The following PLEKHA7 variants were observed in gnomAD, a reference collection of about 807,000 sequenced individuals.
PLEKHA7 encodes the protein pleckstrin homology domain containing A7, also known as pleckstrin homology domain-containing family A member 7.
PLEKHA7 carries 104 observed loss-of-function variants against 170.0 expected under a neutral mutation model. The observed-to-expected ratio is 0.61, with a 90% CI of 0.52 to 0.72. PLEKHA7 has a LOEUF of 0.72. Among genes scored for constraint, PLEKHA7 ranks in the 30% least tolerant of loss-of-function variants. The probability of loss-of-function intolerance (pLI) is 0.00; values close to 1 mark genes in which losing one functional copy is unlikely to be tolerated. For synonymous variants in PLEKHA7, 648 were observed against 660.8 expected (o/e 0.98, Z 0.30); for missense variants, 1,615 against 1,671.7 (o/e 0.97, Z 0.59).
Position 16,851,238 on chromosome 11 carries a change from A to C in PLEKHA7, c.649T>G (p.Ser217Ala). ...GSIPLPSYVI[S>A]PVAPEDRISR... ...ATGCGATCCTCAGGGGCCACAGGAG[A>C]GATCACGTAGCTGGGCAAGGGGATG... The change falls in exon 8 of 27, where the codon TCT becomes GCT. Residue 217 changes from serine to alanine, a missense_variant. By Grantham distance (99) the Ser-to-Ala change is moderately conservative (BLOSUM62 1). Coordinates refer to ENST00000531066, the MANE Select transcript of PLEKHA7 (RefSeq NM_001329630.2). 6.2e-7 allele frequency: 1 copy of C among 1,611,872 alleles called. No individual in the cohort carries two copies.
chr11:16,954,744 G>A (rs1288993040), intron 3 of PLEKHA7, among the ~76,000 whole-genome samples: 1 of 150,892 alleles, frequency 6.6e-6, no homozygotes, highest in African/African-American at 2.4e-5. Context: ...AGGCTGGAGT[G>A]CAATGGCGCA....
chr11:16,929,731 G>C (rs1299166924), intron 3 of PLEKHA7, among the ~76,000 whole-genome samples: 1 of 152,230 alleles, frequency 6.6e-6, no homozygotes, highest in Non-Finnish European at 1.5e-5. Flanking sequence ...GGGGCTGGGC[G>C]TGGTGGCTCA....
In PLEKHA7 at chr11:16,990,287, A is replaced by AAAAAAAAAAAAAAC. The variant is rs1554992439; in HGVS notation, c.221+23701_221+23702insGTTTTTTTTTTTTT. ...AGACCCTGTCTCAAAAAAAAAAAAA[A>AAAAAAAAAAAAAAC]AAAAAAAAAAAACTTCTCCCTGTTC... On this transcript the variant is annotated intron_variant, in intron 3 of 26. Transcript: ENST00000531066. Among the ~76,000 whole-genome samples the AAAAAAAAAAAAAAC allele has an allele frequency of 1.9e-4, 21 of 111,250 alleles. 2 individuals are homozygous for AAAAAAAAAAAAAAC. Among genetic ancestry groups the AAAAAAAAAAAAAAC allele is most frequent in the East Asian group, 3.4e-4 (1 of 2,970 alleles). 73.0% of individuals were successfully genotyped at this position (111,250 alleles called of 152,430 possible).
chr11:16,834,840 G>A (rs931774001), intron 9 of PLEKHA7, among the ~76,000 whole-genome samples: 1 of 152,172 alleles, frequency 6.6e-6, no homozygotes, highest in Non-Finnish European at 1.5e-5. Flanking sequence ...GATTACTTGG[G>A]GGGGCGGGGG....
intron 9 of PLEKHA7, among the ~76,000 whole-genome samples, chr11:16,834,906 A>G (rs1191112472): frequency 6.6e-6 from 1 of 152,134 alleles, no homozygotes; most frequent in Admixed American, 6.5e-5. Flanking sequence ...GTGGCGTGGG[A>G]TCTCAAAAAT....
At chr11:16,870,551 C>T (rs1008508981) in intron 4 of PLEKHA7, among the ~76,000 whole-genome samples, 1 of 151,478 alleles carries the variant, frequency 6.6e-6, no homozygotes, top group Non-Finnish European at 1.5e-5. Context: ...ACTGCTTGAG[C>T]CCAGGGAGGC....
rs755568470 is a variant in PLEKHA7 at position 16,851,216 on chromosome 11, C to T, written c.671G>A (p.Arg224His). 22 of 1,609,076 alleles carry T rather than the reference C, an allele frequency of 1.4e-5. No homozygotes were observed. The highest frequency in any genetic ancestry group is 1.1e-4 in the South Asian group (10 of 89,686). The change falls in exon 8 of 27, where the codon CGC (arginine) becomes CAC (histidine). Residue 224 changes from arginine to histidine, a missense_variant. By Grantham distance (29) the Arg-to-His change is conservative. Transcript: ENST00000531066. ...YVISPVAPED[R>H]ISRKYSFKAV... Reference sequence around the variant, plus strand: ...CTTAAAGGAATATTTGCGGCTTATGCGATCCTCAGGGGCCACAGGAGAGAT... The same window carrying T: ...CTTAAAGGAATATTTGCGGCTTATGTGATCCTCAGGGGCCACAGGAGAGAT...
intron 9 of PLEKHA7, among the ~76,000 whole-genome samples, chr11:16,839,279 C>G (rs76449828): frequency 6.6e-6 from 1 of 151,836 alleles, no homozygotes; most frequent in South Asian, 2.1e-4. Context: ...AGTCCACATA[C>G]GTATATAAAT....
chr11:16,871,069 C>T, intron 4 of PLEKHA7, 30 bp downstream of exon 4: 1 of 1,515,576 alleles, frequency 6.6e-7, no homozygotes. Flanking sequence ...ATACTCTGCC[C>T]AGATAAGGAG....
chr11:16,851,268 C>T lies in PLEKHA7; in HGVS notation c.619G>A (p.Gly207Arg), dbSNP rs1234684377. Reference protein sequence around the residue: ...YKDSREEAVLGSIPLPSYVIS... With the variant: ...YKDSREEAVLRSIPLPSYVIS... ...ACGTAGCTGGGCAAGGGGATGCTCC[C>T]GAGGACCGCTTCTTCTCGGCTGTCT... The change falls in exon 8 of 27, where the codon GGG (glycine) becomes AGG (arginine). Residue 207 changes from glycine (G) to arginine (R), a missense_variant. By Grantham distance (125) the Gly-to-Arg change is moderately radical. Coordinates refer to ENST00000531066, the MANE Select transcript of PLEKHA7 (RefSeq NM_001329630.2). The T allele has an allele frequency of 2.4e-5, 39 of 1,610,968 alleles. No individual in the cohort carries two copies. The highest frequency in any genetic ancestry group is 5.3e-5 in the African/African-American group (4 of 74,844).
intron 7 of PLEKHA7, among the ~76,000 whole-genome samples, chr11:16,852,022 G>A (rs995225799): frequency 7.9e-5 from 12 of 152,120 alleles, no homozygotes; most frequent in African/African-American, 2.9e-4. Context: ...AAATCCAGAT[G>A]ACAGGTTACA....
intron 3 of PLEKHA7, among the ~76,000 whole-genome samples, chr11:16,917,705 C>T (rs2136213739): frequency 6.6e-6 from 1 of 152,334 alleles, no homozygotes; most frequent in Non-Finnish European, 1.5e-5. Flanking sequence ...TCCGAAAGTC[C>T]CTTTTCCCAT....
chr11:16,907,263 G>A (rs1233372375), intron 3 of PLEKHA7, among the ~76,000 whole-genome samples: 1 of 143,252 alleles, frequency 7.0e-6, no homozygotes, highest in Non-Finnish European at 1.5e-5. Context: ...GGATGTGGGG[G>A]GGTCAGCCCC....
intron 3 of PLEKHA7, among the ~76,000 whole-genome samples, chr11:16,940,877 G>C (rs778324327): frequency 1.4e-4 from 22 of 152,250 alleles, no homozygotes; most frequent in Admixed American, 3.9e-4. Context: ...AACAGGCCCA[G>C]TCCTCCCTAG....
intron 3 of PLEKHA7, among the ~76,000 whole-genome samples, chr11:16,896,607 C>G (rs989610297): frequency 2.0e-5 from 3 of 152,182 alleles, no homozygotes; most frequent in African/African-American, 7.2e-5. Context: ...CTGCACCCAC[C>G]CACCCACATA....
At chr11:16,913,543 G>T (rs1263155063) in intron 3 of PLEKHA7, among the ~76,000 whole-genome samples, 1 of 152,254 alleles carries the variant, frequency 6.6e-6, no homozygotes, top group Non-Finnish European at 1.5e-5. Flanking sequence ...GCTGCCTGCA[G>T]ACAGTGCGCA....
chr11:16,807,489 CA>C (rs770393033), intron 13 of PLEKHA7, among the ~76,000 whole-genome samples: 1 of 152,182 alleles, frequency 6.6e-6, no homozygotes, highest in Non-Finnish European at 1.5e-5. Flanking sequence ...GACTTTTGCA[CA>C]GGCTGGTTTT....
chr11:17,014,358 C>A lies in PLEKHA7; in HGVS notation c.44G>T (p.Trp15Leu). ...TVGRDTLPEH[W>L]SYGVCRDGRV... ...GCCATCCCGGCACACCCCGTAGGACCAATGCTCAGGTAAAGTGTCCCGCCC... is the reference window on the plus strand; with the variant it reads ...GCCATCCCGGCACACCCCGTAGGACAAATGCTCAGGTAAAGTGTCCCGCCC... The change falls in exon 1 of 27, where the codon TGG becomes TTG. Residue 15 changes from tryptophan (W) to leucine (L), a missense_variant. Coordinates refer to ENST00000531066, the MANE Select transcript of PLEKHA7 (RefSeq NM_001329630.2). The A allele has an allele frequency of 7.0e-7, 1 of 1,436,554 alleles. No homozygotes were observed. Among genetic ancestry groups the A allele is most frequent in the South Asian group, 1.4e-5 (1 of 69,594 alleles). The allele number at this position is 1,436,554 out of a possible 1,614,324, so 89.0% of individuals were successfully genotyped here.
chr11:16,996,509 C>T (rs991200342), intron 3 of PLEKHA7, among the ~76,000 whole-genome samples: 2 of 152,192 alleles, frequency 1.3e-5, no homozygotes, highest in African/African-American at 2.4e-5. Flanking sequence ...CACCCAGTTC[C>T]AGAAAGGTTT....
Sources: gnomAD v4.1 joint callset for allele counts (sites outside exome capture counted in the v4.1 genomes callset) on GRCh38, gnomAD v4.1.1 for gene constraint, MANE v1.5 for transcripts, NCBI Gene and HGNC (gene_info 2026-07-23, HGNC 2026-07-21) for gene names.